GRAP2: variants seen among roughly 807,000 people sequenced by gnomAD.
The protein encoded by GRAP2 is GRB2 related adaptor protein 2, also known as GRB2-related adapter protein 2.
Under a neutral mutation model 43.5 loss-of-function variants are expected in GRAP2, and 31 were observed. The observed-to-expected ratio is 0.71, with a 90% CI of 0.54 to 0.96. The LOEUF (loss-of-function observed/expected upper bound fraction) is 0.96. GRAP2 is among the 40% of genes least tolerant of loss of function. GRAP2 has a pLI of 0.00. For synonymous variants in GRAP2, 156 were observed against 164.8 expected, an observed-to-expected ratio of 0.95 and a Z score of 0.41; for missense variants, 371 against 424.4, an observed-to-expected ratio of 0.87 and a Z score of 1.11.
chr22:39,919,696 G>A (rs1048563280), intron 1 of GRAP2, among the ~76,000 whole-genome samples: 1 of 152,158 alleles, frequency 6.6e-6, no homozygotes, highest in African/African-American at 2.4e-5. Context: ...AGCCATAGAA[G>A]TACCCCACTA....
At chr22:39,903,414 C>T (rs1157685023) in intron 1 of GRAP2, among the ~76,000 whole-genome samples, 2 of 151,628 alleles carry the variant, frequency 1.3e-5, no homozygotes, top group Non-Finnish European at 2.9e-5. Context: ...CTTTGGGAGG[C>T]CGAGGTGGGC....
At chr22:39,939,434 C>T (rs1266673618) in intron 1 of GRAP2, among the ~76,000 whole-genome samples, 1 of 151,614 alleles carries the variant, frequency 6.6e-6, no homozygotes, top group Non-Finnish European at 1.5e-5. Context: ...TGGTGGCAGG[C>T]GCCTGTAGTC....
At chr22:39,935,380 C>G (rs1450061669) in intron 1 of GRAP2, among the ~76,000 whole-genome samples, 1 of 152,128 alleles carries the variant, frequency 6.6e-6, no homozygotes, top group East Asian at 1.9e-4. Context: ...TTCTGGGCCA[C>G]TTCCAACTTT....
intron 2 of GRAP2, among the ~76,000 whole-genome samples, chr22:39,949,503 ACTCTG>A (rs779431981): frequency 5.9e-5 from 9 of 151,964 alleles, no homozygotes; most frequent in Non-Finnish European, 1.2e-4. Context: ...TAAGCACTAA[ACTCTG>A]CTCTGAATGT....
chr22:39,964,751 C>T lies in GRAP2; in HGVS notation c.291-1239C>T, dbSNP rs534588498. On this transcript the variant is annotated intron_variant, in intron 4 of 7. Coordinates refer to ENST00000344138, the MANE Select transcript of GRAP2 (RefSeq NM_004810.4). ...AAAAAAAAATCTTCCAGTGGCTCAT[C>T]ATCTCTTTAGTTGTTTTCACTAAGT... is the stretch of plus-strand genomic sequence containing the variant. 130 of 484,826 alleles carry T rather than the reference C, an allele frequency of 2.7e-4. 1 individual carries two copies. In the South Asian group the frequency reaches 4.2e-3, roughly 16 times the overall value. 30.0% of individuals were successfully genotyped at this position (484,826 alleles called of 1,614,324 possible). A position where few individuals can be genotyped will look rare whatever the true frequency, so the allele number is the denominator to read the frequency against.
intron 6 of GRAP2, 186 bp downstream of exon 6, chr22:39,968,458 AACACAC>A (rs138010): frequency 5.7e-4 from 295 of 517,054 alleles, no homozygotes; most frequent in South Asian, 1.2e-3. Context: ...CTCCCACCTG[AACACAC>A]ACACACACAC....
At chr22:39,913,509 G>A (rs2066582053) in intron 1 of GRAP2, among the ~76,000 whole-genome samples, 1 of 152,174 alleles carries the variant, frequency 6.6e-6, no homozygotes, top group South Asian at 2.1e-4. Flanking sequence ...CCGATGCTGA[G>A]TCAGCCAAGT....
intron 1 of GRAP2, among the ~76,000 whole-genome samples, chr22:39,915,734 G>T (rs1186632201): frequency 6.6e-6 from 1 of 152,160 alleles, no homozygotes; most frequent in Non-Finnish European, 1.5e-5. Flanking sequence ...AAAGCAATTT[G>T]TAAACTGTAA....
At chr22:39,969,349 G>C in intron 6 of GRAP2, 62 bp from the exon 7 acceptor site, 1 of 1,597,302 alleles carries the variant, frequency 6.3e-7, no homozygotes, top group Non-Finnish European at 8.6e-7. Flanking sequence ...GCAAGGCACT[G>C]GGGGAACCGG....
upstream of GRAP2, among the ~76,000 whole-genome samples, chr22:39,900,447 G>A (rs1165913450): frequency 6.6e-6 from 1 of 152,168 alleles, no homozygotes; most frequent in Non-Finnish European, 1.5e-5. Context: ...AAAGGAAGAG[G>A]CCTTCACAAG....
At chr22:39,935,749 G>A (rs2066800391) in intron 1 of GRAP2, among the ~76,000 whole-genome samples, 2 of 152,184 alleles carry the variant, frequency 1.3e-5, no homozygotes, top group South Asian at 4.1e-4. Flanking sequence ...GAGGGCTTGG[G>A]AGCGTAAGTA....
At chr22:39,921,662 T>G (rs773118032) in intron 1 of GRAP2, among the ~76,000 whole-genome samples, 1 of 152,246 alleles carries the variant, frequency 6.6e-6, no homozygotes, top group Non-Finnish European at 1.5e-5. Flanking sequence ...CTGTTTTACA[T>G]GTTTTAATCA....
intron 1 of GRAP2, among the ~76,000 whole-genome samples, chr22:39,909,036 T>C (rs1263522394): frequency 6.6e-6 from 1 of 152,198 alleles, no homozygotes; most frequent in Non-Finnish European, 1.5e-5. Flanking sequence ...TAACCCACTA[T>C]ACAAGAGACT....
chr22:39,956,132 A>G (rs150296667), intron 3 of GRAP2, among the ~76,000 whole-genome samples: 1 of 143,914 alleles, frequency 6.9e-6, no homozygotes, highest in East Asian at 2.0e-4. Flanking sequence ...ATGTGCATGT[A>G]TTGCTATTTT....
At chr22:39,916,334 C>A (rs190397611) in intron 1 of GRAP2, among the ~76,000 whole-genome samples, 1 of 152,304 alleles carries the variant, frequency 6.6e-6, no homozygotes, top group East Asian at 1.9e-4. Context: ...GGACCCAAAA[C>A]ATCCTGCAAA....
chr22:39,944,034 C>T (rs1324102848), intron 1 of GRAP2, among the ~76,000 whole-genome samples: 3 of 152,044 alleles, frequency 2.0e-5, no homozygotes, highest in Admixed American at 6.6e-5. Flanking sequence ...AAGTCAGAAG[C>T]GCTGAAATTG....
Position 39,931,468 on chromosome 22 carries a change from A to G in GRAP2, c.-14-15625A>G, listed in dbSNP as rs375605341. 1.5e-4 allele frequency among the ~76,000 whole-genome samples: 23 copies of G among 152,334 alleles called. 1 individual carries two copies. Among genetic ancestry groups the G allele is most frequent in the East Asian group, 9.6e-4 (5 of 5,188 alleles). Reference sequence around the variant, plus strand: ...ACAAGGTTCTAGGATGGTGCAAATCATATAAAGAAAGGATGGGGTATTATA... The same window carrying G: ...ACAAGGTTCTAGGATGGTGCAAATCGTATAAAGAAAGGATGGGGTATTATA... On this transcript the variant is annotated intron_variant, in intron 1 of 7. Transcript: ENST00000344138.
At chr22:39,960,005 G>T (rs756644776) in intron 3 of GRAP2, 50 bp from the exon 4 acceptor site, 1 of 1,600,262 alleles carries the variant, frequency 6.2e-7, no homozygotes, top group Non-Finnish European at 8.6e-7. Flanking sequence ...TCTCCCTCTT[G>T]TCACTCCTGT....
At chr22:39,941,863 T>G (rs75992646) in intron 1 of GRAP2, among the ~76,000 whole-genome samples, 1 of 140,012 alleles carries the variant, frequency 7.1e-6, no homozygotes, top group South Asian at 2.3e-4. Context: ...AGGAGAGGTG[T>G]TTTTTTTTTT....
Sources: gnomAD v4.1 joint callset for allele counts (sites outside exome capture counted in the v4.1 genomes callset) on GRCh38, gnomAD v4.1.1 for gene constraint, MANE v1.5 for transcripts, NCBI Gene and HGNC (gene_info 2026-07-23, HGNC 2026-07-21) for gene names.